EXTL3: variants seen among roughly 807,000 people sequenced by gnomAD.
EXTL3 encodes the protein exostosin like glycosyltransferase 3.
A neutral mutation model predicts 69.3 loss-of-function variants in EXTL3; 27 were observed. The ratio of observed to expected loss-of-function variants is 0.39; its 90% CI spans 0.29 to 0.54. The LOEUF is 0.54. Ranked by LOEUF, EXTL3 falls within the 20% of genes least tolerant of loss-of-function variation. The pLI is 0.69. For missense variants in EXTL3, 1,003 were observed against 1,231.8 expected (o/e 0.81, Z 2.78); for synonymous variants, 511 against 499.4 (o/e 1.02, Z -0.31).
rs566272881 is a variant in EXTL3 at position 28,682,832 on chromosome 8, C to T, written c.-52-30625C>T. On this transcript the variant is annotated intron_variant, in intron 1 of 6. Coordinates refer to the EXTL3 transcript ENST00000523149. ...TAGGGTCATATCCAAAAAATCATTGCCCAAACCAATGTCAAGAAGCTTTTC... is the reference window on the plus strand; with the variant it reads ...TAGGGTCATATCCAAAAAATCATTGTCCAAACCAATGTCAAGAAGCTTTTC... 3.9e-5 allele frequency among the ~76,000 whole-genome samples: 6 copies of T among 152,272 alleles called. No homozygotes were observed. In the South Asian group the frequency reaches 1.2e-3, roughly 32 times the overall value.
chr8:28,728,524 CTG>C (rs1801460979), intron 3 of EXTL3, among the ~76,000 whole-genome samples: 1 of 152,170 alleles, frequency 6.6e-6, no homozygotes, highest in Admixed American at 6.5e-5. Context: ...GGTGGCGAAT[CTG>C]TTACAGATCC....
intron 1 of EXTL3, among the ~76,000 whole-genome samples, chr8:28,689,319 C>T (rs1187512999): frequency 6.6e-6 from 1 of 152,154 alleles, no homozygotes; most frequent in African/African-American, 2.4e-5. Context: ...TTCTCCGGCT[C>T]CCCTATCACT....
At chr8:28,712,212 A>G (rs1801044027) in intron 1 of EXTL3, among the ~76,000 whole-genome samples, 2 of 152,346 alleles carry the variant, frequency 1.3e-5, no homozygotes, top group Middle Eastern at 3.4e-3. Flanking sequence ...AAACAGGCAT[A>G]AAGTTTTGAG....
At position 28,717,247 on chromosome 8, in the gene EXTL3, G is replaced by T; in HGVS notation, c.1188G>T (p.Val396=). The T allele has an allele frequency of 6.2e-7, 1 of 1,614,232 alleles. No homozygotes were observed. The highest frequency in any genetic ancestry group is 1.1e-5 in the South Asian group (1 of 91,090). ...ACAGCAAGCTGGATCAGGTCCTGGT[G>T]GAATTCACCTGCAAAAACCAGCCCA... The part of the protein sequence containing the change: ...VQDSKLDQVL[V]EFTCKNQPKP... Residue 396 remains valine, a synonymous_variant, in exon 3 of 7, where the codon GTG becomes GTT. Coordinates refer to ENST00000220562, the MANE Select transcript of EXTL3 (RefSeq NM_001440.4). The surrounding 1 kb of genome is among the most constrained non-coding windows in gnomAD (Gnocchi z 8.3).
chr8:28,695,321 GT>G (rs1323645546), intron 1 of EXTL3, among the ~76,000 whole-genome samples: 1 of 152,006 alleles, frequency 6.6e-6, no homozygotes, highest in Admixed American at 6.5e-5. Context: ...TAGAGATGGG[GT>G]TTCACCATGT....
At chr8:28,655,912 G>A (rs1807002926) in intron 1 of EXTL3, among the ~76,000 whole-genome samples, 1 of 152,130 alleles carries the variant, frequency 6.6e-6, no homozygotes, top group Non-Finnish European at 1.5e-5. Flanking sequence ...GACAGTAGTT[G>A]AGAGAGAGGA....
At chr8:28,621,681 A>C (rs1428132066), upstream of EXTL3, among the ~76,000 whole-genome samples, 3 of 152,220 alleles carry the variant, frequency 2.0e-5, no homozygotes, top group African/African-American at 7.2e-5. Context: ...AAATATTGCA[A>C]TGCCATCCAC....
rs1801073550 is a variant in EXTL3 at position 28,713,475 on chromosome 8, T to G, written c.-551T>G. ...AAATCAGGAGAGCAAGCCCTGGAGGTTCACTCTTTCAAGAAGTCGTGTGCT... is the reference window on the plus strand; with the variant it reads ...AAATCAGGAGAGCAAGCCCTGGAGGGTCACTCTTTCAAGAAGTCGTGTGCT... On this transcript the variant is annotated 5_prime_UTR_variant, in exon 2 of 7. Coordinates refer to ENST00000220562, the MANE Select transcript of EXTL3 (RefSeq NM_001440.4). 4 of 699,046 alleles carry G rather than the reference T, an allele frequency of 5.7e-6. No homozygotes were observed. Among genetic ancestry groups the G allele is most frequent in the South Asian group, 4.5e-5 (3 of 66,330 alleles). The allele number at this position is 699,046 out of a possible 1,614,324, so 43.3% of individuals were successfully genotyped here. A position where few individuals can be genotyped will look rare whatever the true frequency, so the allele number is the denominator to read the frequency against.
intron 1 of EXTL3, among the ~76,000 whole-genome samples, chr8:28,629,370 C>A (rs1221400141): frequency 2.0e-5 from 3 of 152,090 alleles, no homozygotes; most frequent in Non-Finnish European, 4.4e-5. Context: ...TGCTGGCTGT[C>A]TAGGTATCAA....
Position 28,716,821 on chromosome 8 carries a change from T to C in EXTL3, c.762T>C (p.Ala254=). ...AGGAGCCGGTGGTGCTGCGGCCTGC[T>C]GAGCTGGAGAAGCAGTTGTATTCCC... ...EMQEPVVLRP[A]ELEKQLYSLP... is the part of the protein sequence containing the mutation. The change falls in exon 3 of 7, where the codon GCT becomes GCC. Residue 254 remains alanine (A), a synonymous_variant. Coordinates refer to ENST00000220562, the MANE Select transcript of EXTL3 (RefSeq NM_001440.4). This position sits in a 1 kb window ranked among gnomAD's most constrained non-coding sequence, Gnocchi z 7.1. 2 of 1,614,172 alleles carry C rather than the reference T, an allele frequency of 1.2e-6. No individual in the cohort carries two copies. The highest frequency in any genetic ancestry group is 1.7e-6 in the Non-Finnish European group (2 of 1,180,018).
intron 5 of EXTL3, among the ~76,000 whole-genome samples, chr8:28,738,922 C>T (rs1302318344): frequency 6.6e-6 from 1 of 152,184 alleles, no homozygotes; most frequent in Non-Finnish European, 1.5e-5. Flanking sequence ...CATCCATGCC[C>T]TCCATGGTTC....
rs191766975 is a variant in EXTL3, at chr8:28,665,641, C to T, written c.-53+42831C>T. On this transcript the variant is annotated intron_variant, in intron 1 of 6. Coordinates refer to the EXTL3 transcript ENST00000523149. ...TGCCCATGGCTCAAACTCCTGGGCT[C>T]GGGCAATCCGTCCATCTCAACCTCC... 4.6e-3 allele frequency among the ~76,000 whole-genome samples: 700 copies of T among 152,058 alleles called. 2 individuals carry two copies. The highest frequency in any genetic ancestry group is 0.016 in the African/African-American group (654 of 41,464).
At chr8:28,672,977 C>G (rs918272942) in intron 1 of EXTL3, among the ~76,000 whole-genome samples, 1 of 152,172 alleles carries the variant, frequency 6.6e-6, no homozygotes. Context: ...TGCACAAACT[C>G]TCATTTGCTC....
chr8:28,610,929 G>A (rs1309000374), intron 2 of EXTL3, among the ~76,000 whole-genome samples: 1 of 152,062 alleles, frequency 6.6e-6, no homozygotes, highest in African/African-American at 2.4e-5. Flanking sequence ...CTTTAGTAAA[G>A]ATGGGGTTTC....
chr8:28,716,184 T>G lies in EXTL3; in HGVS notation c.125T>G (p.Phe42Cys). 1 of 1,614,190 alleles carries G rather than the reference T, an allele frequency of 6.2e-7. No homozygotes were observed. Among genetic ancestry groups the G allele is most frequent in the Non-Finnish European group, 8.5e-7 (1 of 1,180,034 alleles). ...TTCACGCTCTTTGTCATCCTGGTCTTCTTCCCGCTCATCGCCCACTATTAC... is the reference window on the plus strand; with the variant it reads ...TTCACGCTCTTTGTCATCCTGGTCTGCTTCCCGCTCATCGCCCACTATTAC... ...LSFTLFVILV[F>C]FPLIAHYYLT... Residue 42 changes from phenylalanine to cysteine, a missense_variant, in exon 3 of 7, where the codon TTC (phenylalanine) becomes TGC (cysteine). This residue lies in a region of EXTL3 where 742 missense variants were observed against 815.4 expected (regional missense o/e 0.91). Coordinates refer to ENST00000220562, the MANE Select transcript of EXTL3 (RefSeq NM_001440.4). The surrounding 1 kb of genome is among the most constrained non-coding windows in gnomAD (Gnocchi z 7.1).
chr8:28,717,326 G>C lies in EXTL3; in HGVS notation c.1267G>C (p.Glu423Gln). 6.2e-7 allele frequency: 1 copy of C among 1,614,198 alleles called. No homozygotes were observed. Among genetic ancestry groups the C allele is most frequent in the Non-Finnish European group, 8.5e-7 (1 of 1,180,044 alleles). Residue 423 changes from glutamate to glutamine, a missense_variant, in exon 3 of 7, where the codon GAA becomes CAA. By Grantham distance (29) the Glu-to-Gln change is conservative. Transcript: ENST00000220562. This position sits in a 1 kb window ranked among gnomAD's most constrained non-coding sequence, Gnocchi z 8.3. ...GTGTGGAGAGCGGGAGGACCGCTTG[G>C]AATTGCTGAAGCTCTCCACCTTCGC... ...ALCGEREDRL[E>Q]LLKLSTFALI... is the part of the protein sequence containing the mutation.
chr8:28,707,123 G>A (rs1800940337), intron 1 of EXTL3, among the ~76,000 whole-genome samples: 1 of 152,078 alleles, frequency 6.6e-6, no homozygotes, highest in African/African-American at 2.4e-5. Flanking sequence ...GTAATGAGGT[G>A]TTCTTTAAAA....
At chr8:28,683,335 A>G (rs1047197790) in intron 1 of EXTL3, among the ~76,000 whole-genome samples, 3 of 151,904 alleles carry the variant, frequency 2.0e-5, no homozygotes, top group African/African-American at 7.2e-5. Context: ...AGATCACTTT[A>G]GTAATATGAT....
intron 1 of EXTL3, among the ~76,000 whole-genome samples, chr8:28,660,838 C>CTTTTTTTTTTTTTTTTT (rs58151386): frequency 1.1e-3 from 51 of 46,958 alleles, no homozygotes; most frequent in East Asian, 1.7e-3. Flanking sequence ...CGATTTTTGG[C>CTTTTTTTTTTTTTTTTT]TTTTTTTTTT....
Sources: gnomAD v4.1 joint callset for allele counts (sites outside exome capture counted in the v4.1 genomes callset) on GRCh38, gnomAD v4.1.1 for gene constraint, gnomAD v4.1.1 regional missense constraint, Gnocchi (gnomAD v3.1) non-coding constraint, MANE v1.5 for transcripts, NCBI Gene and HGNC (gene_info 2026-07-23, HGNC 2026-07-21) for gene names.